The following EDARADD variants were observed in gnomAD, a reference collection of about 807,000 sequenced individuals.
EDARADD encodes EDAR associated via death domain.
In EDARADD, 20 loss-of-function variants were observed where a neutral mutation model predicts 25.6. That is an observed-to-expected ratio of 0.78 (90% CI 0.55 to 1.14). The LOEUF (loss-of-function observed/expected upper bound fraction) is 1.14, where lower values mean the gene tolerates loss of function less well. EDARADD is among the 50% of genes most tolerant of loss of function. The probability of loss-of-function intolerance (pLI) is 0.00; values close to 1 mark genes in which losing one functional copy is unlikely to be tolerated. For missense variants in EDARADD, 225 were observed against 270.1 expected (o/e 0.83, Z 1.17); for synonymous variants, 86 against 94.4 (o/e 0.91, Z 0.52).
At position 236,373,647 on chromosome 1, in the gene EDARADD, C is replaced by T. The variant is rs7530004; in HGVS notation, c.-6+22808C>T. ...ATTTTTTTCTATTGATTTTCTGTTTCCAGTTTTATTGTCTTGGGCTCTAAT... is the reference window on the plus strand; with the variant it reads ...ATTTTTTTCTATTGATTTTCTGTTTTCAGTTTTATTGTCTTGGGCTCTAAT... On this transcript the variant is annotated intron_variant, in intron 3 of 7. Transcript: ENST00000439430. Among the ~76,000 whole-genome samples the T allele has an allele frequency of 6.3e-3, 960 of 152,116 alleles. 10 individuals are homozygous for T. Among genetic ancestry groups the T allele is most frequent in the African/African-American group, 0.022 (903 of 41,530 alleles).
intron 5 of EDARADD, among the ~76,000 whole-genome samples, chr1:236,469,806 T>C (rs546453134): frequency 2.6e-4 from 39 of 152,340 alleles, no homozygotes; most frequent in African/African-American, 9.1e-4. Flanking sequence ...GATTTTTTTT[T>C]TCTTGAGACG....
chr1:236,381,312 T>C (rs1163315258), intron 3 of EDARADD, among the ~76,000 whole-genome samples: 1 of 151,840 alleles, frequency 6.6e-6, no homozygotes, highest in East Asian at 1.9e-4. Flanking sequence ...CATTTTTATT[T>C]TTATTTTATT....
intron 4 of EDARADD, among the ~76,000 whole-genome samples, chr1:236,432,206 C>T (rs1411789824): frequency 6.6e-6 from 1 of 151,922 alleles, no homozygotes; most frequent in East Asian, 1.9e-4. Flanking sequence ...TTTGGGAGGC[C>T]AAGGTCAGCA....
chr1:236,416,015 G>C (rs1239178561), intron 3 of EDARADD, among the ~76,000 whole-genome samples: 2 of 152,016 alleles, frequency 1.3e-5, no homozygotes, highest in Non-Finnish European at 2.9e-5. Flanking sequence ...CCTGTCCAGA[G>C]TTTGGCCAAA....
At chr1:236,405,886 T>C (rs370103479) in intron 1 of EDARADD, among the ~76,000 whole-genome samples, 1,889 of 31,270 alleles carry the variant, frequency 0.06, 10 homozygotes, top group Non-Finnish European at 0.079. Context: ...TCTTTCTTTC[T>C]TTCTTTCTTT....
chr1:236,482,294 A>G lies in EDARADD; in HGVS notation c.293A>G (p.Glu98Gly). Residue 98 changes from glutamate (E) to glycine (G), a missense_variant, in exon 6 of 6, where the codon GAA becomes GGA. Physicochemically the swap from Glu to Gly is moderately conservative, Grantham distance 98. Coordinates refer to ENST00000334232, the MANE Select transcript of EDARADD (RefSeq NM_145861.4). ...PEISKDNSCK[E>G]NCTCSSCLLR... ...ATCAGCAAGGACAACTCCTGCAAAG[A>G]AAACTGTACTTGTTCCTCCTGCTTG... 1 of 1,614,140 alleles carries G rather than the reference A, an allele frequency of 6.2e-7. No individual in the cohort carries two copies. The highest frequency in any genetic ancestry group is 8.5e-7 in the Non-Finnish European group (1 of 1,180,024).
intron 3 of EDARADD, among the ~76,000 whole-genome samples, chr1:236,421,766 A>T (rs1239092614): frequency 6.6e-6 from 1 of 152,082 alleles, no homozygotes. Context: ...TGGCCTCCCA[A>T]AGTGCTGGGA....
At chr1:236,411,639 C>G (rs1657487966) in intron 2 of EDARADD, among the ~76,000 whole-genome samples, 2 of 151,886 alleles carry the variant, frequency 1.3e-5, no homozygotes, top group South Asian at 2.1e-4. Flanking sequence ...ACCTCTGCCT[C>G]CCAGGTTCAA....
intron 1 of EDARADD, among the ~76,000 whole-genome samples, chr1:236,404,930 C>T (rs1169564272): frequency 6.6e-6 from 1 of 152,104 alleles, no homozygotes; most frequent in African/African-American, 2.4e-5. Flanking sequence ...CCCATCTCTA[C>T]TAAAAATGCA....
At chr1:236,476,711 G>A (rs541561629) in intron 5 of EDARADD, among the ~76,000 whole-genome samples, 1 of 152,252 alleles carries the variant, frequency 6.6e-6, no homozygotes, top group South Asian at 2.1e-4. Context: ...TTTTGGCAGA[G>A]ACTGGGTTTC....
chr1:236,474,607 A>G (rs1215819126), intron 5 of EDARADD, among the ~76,000 whole-genome samples: 3 of 152,228 alleles, frequency 2.0e-5, no homozygotes, highest in Non-Finnish European at 4.4e-5. Context: ...AGTATTTTCC[A>G]TCAATATCTA....
At position 236,395,790 on chromosome 1, in the gene EDARADD, A is replaced by G; in HGVS notation, c.61+1285A>G. 1 of 867,240 alleles carries G rather than the reference A, an allele frequency of 1.2e-6. No individual in the cohort carries two copies. Among genetic ancestry groups the G allele is most frequent in the Non-Finnish European group, 1.6e-6 (1 of 613,740 alleles). The allele number at this position is 867,240 out of a possible 1,614,324, so 53.7% of individuals were successfully genotyped here. ...GACCCCCGAGGGAGGCCCGGGAACC[A>G]CCCCCGACCCAGGCGCCAGACCCGG... is the stretch of plus-strand genomic sequence containing the variant. On this transcript the variant is annotated intron_variant, in intron 1 of 5. Transcript: ENST00000334232. The surrounding 1 kb of genome is among the most constrained non-coding windows in gnomAD (Gnocchi z 6.9).
chr1:236,436,185 TCTCA>T (rs1214377023), intron 4 of EDARADD, among the ~76,000 whole-genome samples: 2 of 150,040 alleles, frequency 1.3e-5, no homozygotes, highest in Non-Finnish European at 3.0e-5. Context: ...TTAGATGGAG[TCTCA>T]CTCTGTCGCC....
chr1:236,479,585 CTTT>C (rs1002565290), intron 5 of EDARADD, among the ~76,000 whole-genome samples: 1 of 150,462 alleles, frequency 6.6e-6, no homozygotes, highest in Non-Finnish European at 1.5e-5. Flanking sequence ...AGTCTTTAGA[CTTT>C]TTTTTTGCTG....
chr1:236,382,390 A>T (rs1311346387), intron 3 of EDARADD, among the ~76,000 whole-genome samples: 3 of 152,296 alleles, frequency 2.0e-5, no homozygotes, highest in African/African-American at 7.2e-5. Flanking sequence ...CCCATGGACT[A>T]CAGTTACAAT....
In EDARADD at chr1:236,449,618, A is replaced by G. The variant is rs181939080; in HGVS notation, c.220-18613A>G. Among the ~76,000 whole-genome samples the G allele has an allele frequency of 3.3e-5, 5 of 152,298 alleles. No homozygotes were observed. In the East Asian group the frequency reaches 5.8e-4, roughly 18 times the overall value. ...TTCTGGCTATATCGGTTATACTTAC[A>G]TCTTTTCCTATGCATTCTCTTTTGT... On this transcript the variant is annotated intron_variant, in intron 4 of 5. Transcript: ENST00000334232.
chr1:236,373,814 A>G (rs1232666509), intron 3 of EDARADD, among the ~76,000 whole-genome samples: 1 of 152,166 alleles, frequency 6.6e-6, no homozygotes, highest in Non-Finnish European at 1.5e-5. Context: ...TTTCCTTCTA[A>G]GTACTGCTTT....
Position 236,375,853 on chromosome 1 carries a change from T to G in EDARADD, c.-6+25014T>G, listed in dbSNP as rs373387034. Among the ~76,000 whole-genome samples, 39 of 151,394 alleles carry G rather than the reference T, an allele frequency of 2.6e-4. 1 individual carries two copies. Among genetic ancestry groups the G allele is most frequent in the East Asian group, 2.1e-3 (11 of 5,154 alleles). The stretch of plus-strand genomic sequence containing the variant: ...AGTGAGATATGACTGTGCCACTGCA[T>G]TCCAGCCTAAGTAACAGATTGAGCC... On this transcript the variant is annotated intron_variant, in intron 3 of 7. Coordinates refer to the EDARADD transcript ENST00000439430.
chr1:236,351,652 G>A (rs1666916243), intron 3 of EDARADD, among the ~76,000 whole-genome samples: 2 of 150,742 alleles, frequency 1.3e-5, no homozygotes, highest in South Asian at 4.2e-4. Context: ...AGAGGTTGCA[G>A]TGAGCCGAGA....
Sources: allele counts gnomAD v4.1 joint callset (sites outside exome capture counted in the v4.1 genomes callset), GRCh38; gene constraint gnomAD v4.1.1; non-coding constraint Gnocchi (gnomAD v3.1); transcripts MANE v1.5; gene names NCBI Gene and HGNC (gene_info 2026-07-23, HGNC 2026-07-21).